LANCL3: variants seen among roughly 807,000 people sequenced by gnomAD.
LANCL3 encodes the protein LanC like family member 3.
A neutral mutation model predicts 26.5 loss-of-function variants in LANCL3; 19 were observed. The ratio of observed to expected loss-of-function variants is 0.72; its 90% confidence interval spans 0.50 to 1.05. LANCL3 has a LOEUF of 1.05. Ranked by LOEUF, LANCL3 falls within the 50% of genes least tolerant of loss-of-function variation. LANCL3 has a pLI of 0.00. For missense variants in LANCL3, 318 were observed against 362.7 expected (o/e 0.88, Z 1.00); for synonymous variants, 160 against 166.6 (o/e 0.96, Z 0.30).
Position 37,676,590 on chromosome X carries a change from C to CTGTGTAT in LANCL3, c.*781_*787dup, listed in dbSNP as rs1926814343. The CTGTGTAT allele has an allele frequency of 9.0e-6, 1 of 111,484 alleles. No homozygotes were observed. The highest frequency in any genetic ancestry group is 1.9e-5 in the Non-Finnish European group (1 of 53,055). 9.2% of individuals were successfully genotyped at this position (111,484 alleles called of 1,213,427 possible). Reference sequence around the variant, plus strand: ...TGTTTTTCTCCATAGGAAGTGTGAACTGTGTATTGTCTATTGTTAGTAATT... The same window carrying CTGTGTAT: ...TGTTTTTCTCCATAGGAAGTGTGAACTGTGTATTGTGTATTGTCTATTGTTAGTAATT... On this transcript the variant is annotated 3_prime_UTR_variant, in exon 5 of 5. Transcript: ENST00000378619.
chrX:37,575,128 C>T (rs6520611), intron 1 of LANCL3, among the ~76,000 whole-genome samples: 20,899 of 106,408 alleles, frequency 0.2, 3,874 homozygotes, highest in African/African-American at 0.55. Flanking sequence ...AGTTTCACCA[C>T]GTTGCCTATG....
intron 1 of LANCL3, among the ~76,000 whole-genome samples, chrX:37,640,407 C>T (rs782609990): frequency 9.0e-6 from 1 of 110,939 alleles, no homozygotes; most frequent in Admixed American, 9.6e-5. Context: ...TGGGGAAGCC[C>T]GCCCCCATGA....
At chrX:37,625,851 A>G (rs1251991282) in intron 1 of LANCL3, among the ~76,000 whole-genome samples, 2 of 111,741 alleles carry the variant, frequency 1.8e-5, no homozygotes, top group Non-Finnish European at 1.9e-5. Context: ...AATGGTTTTC[A>G]ATAACAAATA....
rs1176954224 is a variant in LANCL3 at position 37,676,705 on chromosome X, CA to C, written c.*893del. On this transcript the variant is annotated 3_prime_UTR_variant, in exon 5 of 5. Coordinates refer to ENST00000378619, the MANE Select transcript of LANCL3 (RefSeq NM_001170331.2). ...GGTAAATATCACTAATTTCAAAGAT[CA>C]GGGGAACCACTACAAAGACGTGTCA... The C allele has an allele frequency of 2.7e-5, 3 of 111,790 alleles. No individual in the cohort carries two copies. Among genetic ancestry groups the C allele is most frequent in the Admixed American group, 9.5e-5 (1 of 10,521 alleles). 9.2% of individuals were successfully genotyped at this position (111,790 alleles called of 1,213,427 possible).
intron 4 of LANCL3, among the ~76,000 whole-genome samples, chrX:37,672,547 G>T (rs782718950): frequency 1.8e-5 from 2 of 112,009 alleles, no homozygotes; most frequent in African/African-American, 3.2e-5. Flanking sequence ...TGCAAATGAA[G>T]GATTGAATCT....
rs1169364674 is a variant in LANCL3 at position 37,681,609 on chromosome X, C to A, written c.*5796C>A. On this transcript the variant is annotated 3_prime_UTR_variant, in exon 5 of 5. Transcript: ENST00000378619. ...AGTTAGGAAAGTTTTATTATTTTACCCCCTTTTGAAGATTACATGGTACAT... is the reference window on the plus strand; with the variant it reads ...AGTTAGGAAAGTTTTATTATTTTACACCCTTTTGAAGATTACATGGTACAT... 21 of 111,612 alleles carry A rather than the reference C, an allele frequency of 1.9e-4. No homozygotes were observed. The highest frequency in any genetic ancestry group is 6.5e-4 in the African/African-American group (20 of 30,742). 9.2% of individuals were successfully genotyped at this position (111,612 alleles called of 1,213,427 possible).
chrX:37,577,281 A>G (rs1923775485), intron 1 of LANCL3, among the ~76,000 whole-genome samples: 1 of 112,892 alleles, frequency 8.9e-6, no homozygotes, highest in African/African-American at 3.2e-5. Flanking sequence ...TAAAACACAC[A>G]GAATTACAAA....
chrX:37,595,246 CA>C (rs1259395576), intron 1 of LANCL3, among the ~76,000 whole-genome samples: 2 of 112,018 alleles, frequency 1.8e-5, no homozygotes, highest in African/African-American at 6.5e-5. Context: ...ATGCTCAATA[CA>C]TATTTGCAGA....
chrX:37,640,000 G>A (rs782674114), intron 1 of LANCL3, among the ~76,000 whole-genome samples: 12 of 112,012 alleles, frequency 1.1e-4, no homozygotes, highest in South Asian at 3.7e-4. Context: ...CAGGCAACAC[G>A]AGGTGACGGT....
chrX:37,672,495 G>T (rs1406035182), intron 4 of LANCL3, among the ~76,000 whole-genome samples: 1 of 111,812 alleles, frequency 8.9e-6, no homozygotes, highest in Non-Finnish European at 1.9e-5. Context: ...TTCAGCGCTG[G>T]GTTTTATAGC....
Position 37,680,669 on chromosome X carries a change from GTCTT to G in LANCL3, c.*4861_*4864del, listed in dbSNP as rs1745259172. 2.7e-5 allele frequency: 3 copies of G among 111,254 alleles called. No homozygotes were observed. The highest frequency in any genetic ancestry group is 9.8e-5 in the African/African-American group (3 of 30,626). 9.2% of individuals were successfully genotyped at this position (111,254 alleles called of 1,213,427 possible). A position where few individuals can be genotyped will look rare whatever the true frequency, so the allele number is the denominator to read the frequency against. ...AACAGACTATCCTCTCTCTTTTTTT[GTCTT>G]TCTTCTCCCTGTCCAATACTGAGGA... is the stretch of plus-strand genomic sequence containing the variant. On this transcript the variant is annotated 3_prime_UTR_variant, in exon 5 of 5. Transcript: ENST00000378619.
In LANCL3 at chrX:37,675,821, T is replaced by G. The variant is rs782274412; in HGVS notation, c.*8T>G. ...TTCAGCGTCTTTGTTTAGAAGGCTC[T>G]ATCTTCCACTGTGGCCCTGCAGAGA... On this transcript the variant is annotated 3_prime_UTR_variant, in exon 5 of 5. Coordinates refer to ENST00000378619, the MANE Select transcript of LANCL3 (RefSeq NM_001170331.2). 8.0e-6 allele frequency: 9 copies of G among 1,131,953 alleles called. 1 individual carries two copies. The South Asian group carries it at 1.6e-4, about 20-fold the overall frequency. 93.3% of individuals were successfully genotyped at this position (1,131,953 alleles called of 1,213,427 possible).
At position 37,679,051 on chromosome X, in the gene LANCL3, C is replaced by G. The variant is rs1886472478; in HGVS notation, c.*3238C>G. The G allele has an allele frequency of 9.0e-6, 1 of 111,682 alleles. No individual in the cohort carries two copies. The highest frequency in any genetic ancestry group is 1.9e-5 in the Non-Finnish European group (1 of 53,065). 9.2% of individuals were successfully genotyped at this position (111,682 alleles called of 1,213,427 possible). On this transcript the variant is annotated 3_prime_UTR_variant, in exon 5 of 5. Coordinates refer to ENST00000378619, the MANE Select transcript of LANCL3 (RefSeq NM_001170331.2). ...GTGCAAAGAGCCCTGTGCTGGAAAT[C>G]TCAAAGTCTTGCTCTGCCACTTTTA...
chrX:37,625,662 G>A lies in LANCL3; in HGVS notation c.574-30026G>A, dbSNP rs182827209. Among the ~76,000 whole-genome samples the A allele has an allele frequency of 2.6e-4, 29 of 111,053 alleles. No homozygotes were observed. In the East Asian group the frequency reaches 6.5e-3, roughly 25 times the overall value. On this transcript the variant is annotated intron_variant, in intron 1 of 4. Coordinates refer to ENST00000378619, the MANE Select transcript of LANCL3 (RefSeq NM_001170331.2). ...GCTGCTGTAGGTAGCCATGTTACACGGTTCTGGCTAAAGAGATATCAGGAG... is the reference window on the plus strand; with the variant it reads ...GCTGCTGTAGGTAGCCATGTTACACAGTTCTGGCTAAAGAGATATCAGGAG...
Position 37,659,481 on chromosome X carries a change from G to A in LANCL3, c.717G>A (p.Ser239=), listed in dbSNP as rs35042954. 0.015 allele frequency: 17,668 copies of A among 1,207,516 alleles called. 118 individuals carry two copies. The highest frequency in any genetic ancestry group is 0.018 in the Non-Finnish European group (16,146 of 893,879). The part of the protein sequence containing the change: ...TEYLGAAHGL[S]SILQMLLSYH... The stretch of plus-strand genomic sequence containing the variant: ...ATACAGGGGCAGCTCACGGCTTGTC[G>A]TCTATTCTTCAGATGCTTCTTTCTT... The change falls in exon 3 of 5, where the codon TCG becomes TCA. Residue 239 remains serine (S), a synonymous_variant. Transcript: ENST00000378619.
chrX:37,603,102 T>C (rs1180451277), intron 1 of LANCL3, among the ~76,000 whole-genome samples: 1 of 112,231 alleles, frequency 8.9e-6, no homozygotes, highest in African/African-American at 3.2e-5. Context: ...TGAAAAGATA[T>C]AGGTGGGCCA....
Position 37,681,146 on chromosome X carries a change from A to G in LANCL3, c.*5333A>G, listed in dbSNP as rs1602141124. On this transcript the variant is annotated 3_prime_UTR_variant, in exon 5 of 5. Coordinates refer to ENST00000378619, the MANE Select transcript of LANCL3 (RefSeq NM_001170331.2). ...AGCCACGAATGCAAACCACATATGC[A>G]ATTTTCAAATTTTCTAGTAGCTACC... 1 of 112,349 alleles carries G rather than the reference A, an allele frequency of 8.9e-6. No homozygotes were observed. Among genetic ancestry groups the G allele is most frequent in the African/African-American group, 3.2e-5 (1 of 31,004 alleles). 9.3% of individuals were successfully genotyped at this position (112,349 alleles called of 1,213,427 possible).
chrX:37,592,621 AAGAT>A (rs373700910), intron 1 of LANCL3, among the ~76,000 whole-genome samples: 180 of 112,158 alleles, frequency 1.6e-3, no homozygotes, highest in African/African-American at 5.6e-3. Context: ...AAATAAAAAA[AAGAT>A]AGCAGAAATA....
Position 37,675,714 on chromosome X carries a change from A to G in LANCL3, c.1164A>G (p.Ile388Met), listed in dbSNP as rs189378361. Residue 388 changes from isoleucine to methionine, a missense_variant, in exon 5 of 5, where the codon ATA becomes ATG. Coordinates refer to ENST00000378619, the MANE Select transcript of LANCL3 (RefSeq NM_001170331.2). ...FKAGSRVLESIYSLYEGFSGT... is the reference protein window; with the variant it reads ...FKAGSRVLESMYSLYEGFSGT... ...CCGGTTCTCGGGTCCTTGAAAGTAT[A>G]TACAGCTTGTATGAAGGCTTCTCTG... The G allele has an allele frequency of 1.7e-6, 2 of 1,159,171 alleles. No individual in the cohort carries two copies. Among genetic ancestry groups the G allele is most frequent in the African/African-American group, 3.6e-5 (2 of 55,410 alleles).
Sources: gnomAD v4.1 joint callset for allele counts (sites outside exome capture counted in the v4.1 genomes callset) on GRCh38, gnomAD v4.1.1 for gene constraint, MANE v1.5 for transcripts, NCBI Gene and HGNC (gene_info 2026-07-23, HGNC 2026-07-21) for gene names.